The following SEZ6L variants were observed in gnomAD, a reference collection of about 807,000 sequenced individuals.
SEZ6L encodes the protein seizure related 6 homolog like.
Under a neutral mutation model 106.2 loss-of-function variants are expected in SEZ6L, and 37 were observed. The ratio of observed to expected loss-of-function variants is 0.35; its 90% CI spans 0.27 to 0.46. The LOEUF is 0.46. Among genes scored for constraint, SEZ6L ranks in the 20% least tolerant of loss-of-function variants. The pLI, the probability that SEZ6L is intolerant of heterozygous loss-of-function variation, is 1.00. For synonymous variants in SEZ6L, 541 were observed against 570.4 expected, an observed-to-expected ratio of 0.95 and a Z score of 0.73; for missense variants, 1,172 against 1,332.8, an observed-to-expected ratio of 0.88 and a Z score of 1.88.
At chr22:26,312,260 G>C (rs1259137086) in intron 8 of SEZ6L, among the ~76,000 whole-genome samples, 2 of 152,232 alleles carry the variant, frequency 1.3e-5, no homozygotes, top group Non-Finnish European at 2.9e-5. Context: ...TGCTACGCAT[G>C]CTTGTGCAGT....
At position 26,292,711 on chromosome 22, in the gene SEZ6L, C is replaced by A; in HGVS notation, c.400C>A (p.Pro134Thr). Residue 134 changes from proline to threonine, a missense_variant, in exon 2 of 17, where the codon CCC becomes ACC. By Grantham distance (38) the Pro-to-Thr change is conservative. Transcript: ENST00000248933. Reference protein sequence around the residue: ...QVNSARKQLRPKATSAATVQR... With the variant: ...QVNSARKQLRTKATSAATVQR... ...GAACTCTGCCAGGAAGCAGCTGAGG[C>A]CCAAGGCCACCTCCGCAGCCACTGT... 6.2e-7 allele frequency: 1 copy of A among 1,613,750 alleles called. No homozygotes were observed. The highest frequency in any genetic ancestry group is 8.5e-7 in the Non-Finnish European group (1 of 1,179,964).
At chr22:26,328,295 G>A (rs2082382021) in intron 9 of SEZ6L, among the ~76,000 whole-genome samples, 1 of 152,218 alleles carries the variant, frequency 6.6e-6, no homozygotes, top group Admixed American at 6.5e-5. Context: ...AGGGTGCCTA[G>A]TTCCTTATAA....
At chr22:26,257,443 T>C (rs567078563) in intron 1 of SEZ6L, among the ~76,000 whole-genome samples, 6 of 152,316 alleles carry the variant, frequency 3.9e-5, no homozygotes, top group South Asian at 2.1e-4. Flanking sequence ...CTAATTCCTG[T>C]CTATTAATTT....
At chr22:26,316,190 C>A (rs2081991849) in intron 9 of SEZ6L, among the ~76,000 whole-genome samples, 1 of 152,184 alleles carries the variant, frequency 6.6e-6, no homozygotes, top group South Asian at 2.1e-4. Flanking sequence ...CTACTATCAA[C>A]CAAGCACAAT....
At chr22:26,277,153 C>T (rs8138859) in intron 1 of SEZ6L, among the ~76,000 whole-genome samples, 59,805 of 149,762 alleles carry the variant, frequency 0.4, 12,940 homozygotes, top group Non-Finnish European at 0.49. Flanking sequence ...GGCTGGAGTA[C>T]AGTGGTGGGA....
At chr22:26,326,328 T>C (rs1458768903) in intron 9 of SEZ6L, among the ~76,000 whole-genome samples, 1 of 152,192 alleles carries the variant, frequency 6.6e-6, no homozygotes, top group Non-Finnish European at 1.5e-5. Context: ...GTCCCTGACA[T>C]GCGCTGTCCT....
intron 9 of SEZ6L, among the ~76,000 whole-genome samples, chr22:26,316,886 A>AAG (rs1319033445): frequency 0.44 from 52,182 of 119,476 alleles, 11,321 homozygotes; most frequent in South Asian, 0.59. Context: ...GAAAGAAAGA[A>AAG]AGAAAGAGAA....
At chr22:26,275,768 G>C (rs1306401033) in intron 1 of SEZ6L, among the ~76,000 whole-genome samples, 1 of 152,158 alleles carries the variant, frequency 6.6e-6, no homozygotes, top group Non-Finnish European at 1.5e-5. Context: ...TCCTCAGTTG[G>C]AGCATCTGGC....
At chr22:26,186,901 T>G (rs1939820441) in intron 1 of SEZ6L, among the ~76,000 whole-genome samples, 1 of 151,990 alleles carries the variant, frequency 6.6e-6, no homozygotes, top group Non-Finnish European at 1.5e-5. Context: ...GATTTTTGGG[T>G]TGGATAATGC....
At chr22:26,198,081 A>G (rs1940695701) in intron 1 of SEZ6L, among the ~76,000 whole-genome samples, 1 of 152,238 alleles carries the variant, frequency 6.6e-6, no homozygotes, top group Admixed American at 6.5e-5. Context: ...TTCTTAACTC[A>G]TGCAATTATC....
chr22:26,229,402 T>A (rs779933764), intron 1 of SEZ6L, among the ~76,000 whole-genome samples: 1 of 152,222 alleles, frequency 6.6e-6, no homozygotes, highest in East Asian at 1.9e-4. Flanking sequence ...CAATTTATTA[T>A]ATGTCAGTAA....
At chr22:26,353,664 T>C (rs1048190270) in intron 12 of SEZ6L, among the ~76,000 whole-genome samples, 9 of 152,238 alleles carry the variant, frequency 5.9e-5, no homozygotes, top group African/African-American at 9.6e-5. Flanking sequence ...GCGACCTTGA[T>C]TGGACATAGC....
chr22:26,378,663 G>A (rs568716475), intron 16 of SEZ6L, among the ~76,000 whole-genome samples: 1 of 152,168 alleles, frequency 6.6e-6, no homozygotes, highest in Non-Finnish European at 1.5e-5. Flanking sequence ...GTAGAGCTTG[G>A]ACAATGGGCT....
intron 9 of SEZ6L, among the ~76,000 whole-genome samples, chr22:26,323,856 T>A (rs2145949594): frequency 6.6e-6 from 1 of 151,454 alleles, no homozygotes; most frequent in East Asian, 1.9e-4. Flanking sequence ...CTTTACATGC[T>A]TTTTTTACCT....
intron 1 of SEZ6L, among the ~76,000 whole-genome samples, chr22:26,174,533 C>T (rs1221323287): frequency 6.6e-6 from 1 of 152,164 alleles, no homozygotes; most frequent in Non-Finnish European, 1.5e-5. Flanking sequence ...TCGCTGTTGT[C>T]CACTAGAGGT....
At chr22:26,325,248 T>A (rs1477150333) in intron 9 of SEZ6L, among the ~76,000 whole-genome samples, 1 of 152,196 alleles carries the variant, frequency 6.6e-6, no homozygotes, top group Non-Finnish European at 1.5e-5. Context: ...AGGTATGGTG[T>A]GGATACAGAG....
intron 9 of SEZ6L, among the ~76,000 whole-genome samples, chr22:26,333,248 C>G (rs775326894): frequency 3.3e-5 from 5 of 152,188 alleles, no homozygotes; most frequent in Admixed American, 6.5e-5. Context: ...GACAAGCCAG[C>G]GGGTTGGCTT....
intron 1 of SEZ6L, among the ~76,000 whole-genome samples, chr22:26,170,915 G>A (rs542601321): frequency 3.3e-5 from 5 of 152,208 alleles, no homozygotes; most frequent in Admixed American, 2.0e-4. Flanking sequence ...CTCGGAGTTG[G>A]GGGACAGGCG....
chr22:26,239,895 C>G (rs1310073412), intron 1 of SEZ6L, among the ~76,000 whole-genome samples: 1 of 151,850 alleles, frequency 6.6e-6, no homozygotes, highest in South Asian at 2.1e-4. Flanking sequence ...ATCCCCTCTG[C>G]CATCCCCCCA....
Sources: gnomAD v4.1 joint callset for allele counts (sites outside exome capture counted in the v4.1 genomes callset) on GRCh38, gnomAD v4.1.1 for gene constraint, MANE v1.5 for transcripts, NCBI Gene and HGNC (gene_info 2026-07-23, HGNC 2026-07-21) for gene names.